Variants in ABHD18 observed in about 807,000 individuals in gnomAD.
The protein encoded by ABHD18 is cardiolipin-specific deacylase, mitochondrial.
A neutral mutation model predicts 65.9 loss-of-function variants in ABHD18; 55 were observed. That is an observed-to-expected ratio of 0.84 (90% CI 0.67 to 1.05). The LOEUF is 1.05. Ranked by LOEUF, ABHD18 falls within the 50% of genes least tolerant of loss-of-function variation. The pLI, the probability that ABHD18 is intolerant of heterozygous loss-of-function variation, is 0.00. For missense variants in ABHD18, 533 were observed against 558.5 expected (o/e 0.95, Z 0.46); for synonymous variants, 181 against 180.2 (o/e 1.00, Z -0.04).
Position 128,017,344 on chromosome 4 carries a change from T to C in ABHD18, c.471-19T>C, listed in dbSNP as rs1362832751. 6.2e-7 allele frequency: 1 copy of C among 1,605,164 alleles called. No individual in the cohort carries two copies. Among genetic ancestry groups the C allele is most frequent in the East Asian group, 2.2e-5 (1 of 44,824 alleles). On this transcript the variant is annotated intron_variant, in intron 7 of 12. Coordinates refer to ENST00000645843, the MANE Select transcript of ABHD18 (RefSeq NM_001358451.3). Reference sequence around the variant, plus strand: ...AAATACATAAAATAATCATTTTCTATTTTGTTTTGTGAGGCTAGAAGGTCC... The same window carrying C: ...AAATACATAAAATAATCATTTTCTACTTTGTTTTGTGAGGCTAGAAGGTCC...
intron 4 of ABHD18, among the ~76,000 whole-genome samples, chr4:128,007,183 A>G (rs367853237): frequency 4.7e-4 from 72 of 151,610 alleles, no homozygotes; most frequent in African/African-American, 1.6e-3. Context: ...GCCAGGCGTG[A>G]TAGCACATGC....
chr4:128,002,669 A>C, intron 4 of ABHD18, among the ~76,000 whole-genome samples: 1 of 151,978 alleles, frequency 6.6e-6, no homozygotes, highest in Non-Finnish European at 1.5e-5. Context: ...TTTGAGACAG[A>C]GTCTCGCTCT....
At chr4:128,010,682 G>A (rs1247714084) in intron 6 of ABHD18, among the ~76,000 whole-genome samples, 4 of 152,114 alleles carry the variant, frequency 2.6e-5, no homozygotes. Flanking sequence ...GGGAGGCCAA[G>A]GCAGGAGGAT....
chr4:128,022,625 C>T (rs1756688582), intron 10 of ABHD18, among the ~76,000 whole-genome samples: 2 of 151,954 alleles, frequency 1.3e-5, no homozygotes, highest in Admixed American at 6.6e-5. Context: ...AGACACTTAC[C>T]TCATATATTA....
chr4:127,974,173 T>G (rs1747410327), intron 1 of ABHD18, among the ~76,000 whole-genome samples: 2 of 151,224 alleles, frequency 1.3e-5, no homozygotes, highest in Admixed American at 6.6e-5. Context: ...GAAGAGAATA[T>G]TAACCTTAAG....
chr4:127,988,707 A>G (rs904945642), intron 3 of ABHD18, among the ~76,000 whole-genome samples: 4 of 152,246 alleles, frequency 2.6e-5, no homozygotes, highest in South Asian at 4.1e-4. Context: ...AGAAATGCAA[A>G]TCAAAATTAC....
rs1758994923 is a variant in ABHD18 at position 128,037,560 on chromosome 4, A to G, written c.*1747A>G. Reference sequence around the variant, plus strand: ...ACCATGTTGGCCAAGCTGGTCTCGAATTCCTGACCTCAAGTGATATGCCTG... The same window carrying G: ...ACCATGTTGGCCAAGCTGGTCTCGAGTTCCTGACCTCAAGTGATATGCCTG... On this transcript the variant is annotated 3_prime_UTR_variant, in exon 13 of 13. Transcript: ENST00000645843. 6.6e-6 allele frequency: 1 copy of G among 152,096 alleles called. No individual in the cohort carries two copies. Among genetic ancestry groups the G allele is most frequent in the South Asian group, 2.1e-4 (1 of 4,830 alleles). The allele number at this position is 152,096 out of a possible 1,614,324, so 9.4% of individuals were successfully genotyped here.
intron 4 of ABHD18, among the ~76,000 whole-genome samples, chr4:127,996,459 G>A (rs1386957820): frequency 3.3e-5 from 5 of 152,050 alleles, no homozygotes; most frequent in African/African-American, 7.2e-5. Context: ...GGGGGTGTAC[G>A]AACAGGGAGT....
chr4:128,035,052 A>G (rs1758725001), intron 12 of ABHD18, among the ~76,000 whole-genome samples: 1 of 152,238 alleles, frequency 6.6e-6, no homozygotes, highest in African/African-American at 2.4e-5. Flanking sequence ...TTCATAGTAA[A>G]TGAAAAACAT....
intron 4 of ABHD18, among the ~76,000 whole-genome samples, chr4:127,990,535 C>A (rs1750735307): frequency 6.6e-6 from 1 of 151,984 alleles, no homozygotes; most frequent in Non-Finnish European, 1.5e-5. Context: ...GTACTCCAGC[C>A]TGGGCCACAG....
Position 127,984,534 on chromosome 4 carries a change from C to T in ABHD18, c.177+111C>T, listed in dbSNP as rs991116621. On this transcript the variant is annotated intron_variant, in intron 3 of 12. Coordinates refer to ENST00000645843, the MANE Select transcript of ABHD18 (RefSeq NM_001358451.3). ...ACAATAAACACTAAAATATGAGTGCCGTATGGATTTTTCATTTCATATTTA... is the reference window on the plus strand; with the variant it reads ...ACAATAAACACTAAAATATGAGTGCTGTATGGATTTTTCATTTCATATTTA... The T allele has an allele frequency of 6.8e-5, 38 of 560,014 alleles. No individual in the cohort carries two copies. The East Asian group carries it at 9.2e-4, about 14-fold the overall frequency. 34.7% of individuals were successfully genotyped at this position (560,014 alleles called of 1,614,324 possible). A position where few individuals can be genotyped will look rare whatever the true frequency, so the allele number is the denominator to read the frequency against.
intron 7 of ABHD18, among the ~76,000 whole-genome samples, chr4:128,014,132 C>CAT (rs1755071672): frequency 6.6e-6 from 1 of 151,594 alleles, no homozygotes; most frequent in Non-Finnish European, 1.5e-5. Flanking sequence ...TACAGGCATG[C>CAT]GCCACCACGC....
chr4:127,975,305 CT>C (rs1747699258), intron 1 of ABHD18, among the ~76,000 whole-genome samples: 2 of 152,154 alleles, frequency 1.3e-5, no homozygotes, highest in Non-Finnish European at 2.9e-5. Flanking sequence ...TAGCCTCCCC[CT>C]TTTCCCATCC....
intron 4 of ABHD18, among the ~76,000 whole-genome samples, chr4:127,995,814 G>A (rs1203893130): frequency 6.6e-6 from 1 of 151,962 alleles, no homozygotes; most frequent in Non-Finnish European, 1.5e-5. Context: ...TCTTTAAATG[G>A]CATAAATGGC....
At chr4:128,027,676 T>C (rs749208965) in intron 10 of ABHD18, among the ~76,000 whole-genome samples, 1 of 152,186 alleles carries the variant, frequency 6.6e-6, no homozygotes, top group African/African-American at 2.4e-5. Context: ...AGTGCCGGGA[T>C]TACAGGCGTG....
chr4:128,001,934 AT>A (rs1304330445), intron 4 of ABHD18, among the ~76,000 whole-genome samples: 1 of 150,580 alleles, frequency 6.6e-6, no homozygotes, highest in African/African-American at 2.4e-5. Context: ...TATTTTTGCA[AT>A]TTTTTTCTCC....
rs573368245 is a variant in ABHD18, at chr4:127,974,883, C to A, written c.-17-8056C>A. 3.8e-4 allele frequency among the ~76,000 whole-genome samples: 58 copies of A among 150,722 alleles called. No homozygotes were observed. The East Asian group carries it at 0.011, about 29-fold the overall frequency. ...TGGTGGTTGTCGCCTGTAATCCCAGCTACTTGGGAGGCTGAGCCAGGAGAA... is the reference window on the plus strand; with the variant it reads ...TGGTGGTTGTCGCCTGTAATCCCAGATACTTGGGAGGCTGAGCCAGGAGAA... On this transcript the variant is annotated intron_variant, in intron 1 of 12. Transcript: ENST00000645843.
At chr4:128,015,991 C>T (rs1347419240) in intron 7 of ABHD18, among the ~76,000 whole-genome samples, 5 of 137,514 alleles carry the variant, frequency 3.6e-5, no homozygotes, top group African/African-American at 1.4e-4. Flanking sequence ...CTCACTCTGT[C>T]ACCCAGGCTG....
At position 128,030,698 on chromosome 4, in the gene ABHD18, T is replaced by C. The variant is rs749744884; in HGVS notation, c.1343+26T>C. 10 of 1,529,626 alleles carry C rather than the reference T, an allele frequency of 6.5e-6. No homozygotes were observed. In the South Asian group the frequency reaches 9.2e-5, roughly 14 times the overall value. The allele number at this position is 1,529,626 out of a possible 1,614,324, so 94.8% of individuals were successfully genotyped here. A position where few individuals can be genotyped will look rare whatever the true frequency, so the allele number is the denominator to read the frequency against. Reference sequence around the variant, plus strand: ...GTAAGACGGCTGGTCTAAACATGTATTCGTTCATTTGTTGTTTGTTTTCTG... The same window carrying C: ...GTAAGACGGCTGGTCTAAACATGTACTCGTTCATTTGTTGTTTGTTTTCTG... On this transcript the variant is annotated intron_variant, in intron 12 of 12. Coordinates refer to ENST00000645843, the MANE Select transcript of ABHD18 (RefSeq NM_001358451.3).
Sources: gnomAD v4.1 joint callset for allele counts (sites outside exome capture counted in the v4.1 genomes callset) on GRCh38, gnomAD v4.1.1 for gene constraint, MANE v1.5 for transcripts, NCBI Gene and HGNC (gene_info 2026-07-23, HGNC 2026-07-21) for gene names.